The following CNR2 variants were observed in gnomAD, a reference collection of about 807,000 sequenced individuals.
CNR2 encodes cannabinoid receptor 2 (macrophage).
For synonymous variants in CNR2, 172 were observed against 182.2 expected, an observed-to-expected ratio of 0.94 and a Z score of 0.45; for missense variants, 379 against 439.9, an observed-to-expected ratio of 0.86 and a Z score of 1.24.
At chr1:23,900,616 C>G (rs1203615898) in intron 1 of CNR2, among the ~76,000 whole-genome samples, 1 of 149,820 alleles carries the variant, frequency 6.7e-6, no homozygotes, top group Admixed American at 6.8e-5. Flanking sequence ...AAGCAATTCT[C>G]TTGCCTCAGC....
At chr1:23,887,858 A>T (rs1260837378) in intron 1 of CNR2, among the ~76,000 whole-genome samples, 1 of 3,764 alleles carries the variant, frequency 2.7e-4, no homozygotes, top group African/African-American at 9.5e-4. Flanking sequence ...GTTAAAGTTA[A>T]AAAAAAAAAA....
chr1:23,895,759 T>C (rs1640270814), intron 1 of CNR2, among the ~76,000 whole-genome samples: 1 of 152,060 alleles, frequency 6.6e-6, no homozygotes, highest in Admixed American at 6.6e-5. Flanking sequence ...CTCCTCGGCC[T>C]CCCAAAGTGC....
chr1:23,885,610 C>T (rs5026902), intron 1 of CNR2, among the ~76,000 whole-genome samples: 110,441 of 151,890 alleles, frequency 0.73, 40,919 homozygotes, highest in Middle Eastern at 0.79. Flanking sequence ...CCGGGCGCGG[C>T]GGCTCACACC....
Position 23,901,629 on chromosome 1 carries a change from C to A in CNR2, c.-46+11617G>T. ...CTGAGGTTGCTGCCGTCCAGAACAG[C>A]ACTGGCCATGTAGAAGGTGTCTTGT... is the stretch of plus-strand genomic sequence containing the variant. On this transcript the variant is annotated intron_variant, in intron 1 of 1. Transcript: ENST00000374472. 4 of 1,574,578 alleles carry A rather than the reference C, an allele frequency of 2.5e-6. No homozygotes were observed. In the South Asian group the frequency reaches 3.3e-5, roughly 13 times the overall value.
At position 23,874,719 on chromosome 1, in the gene CNR2, G is replaced by C; in HGVS notation, c.899C>G (p.Ala300Gly). 6.2e-7 allele frequency: 1 copy of C among 1,614,158 alleles called. No individual in the cohort carries two copies. The highest frequency in any genetic ancestry group is 8.5e-7 in the Non-Finnish European group (1 of 1,180,014). Residue 300 changes from alanine (A) to glycine (G), a missense_variant, in exon 2 of 2, where the codon GCT becomes GGT. Coordinates refer to ENST00000374472, the MANE Select transcript of CNR2 (RefSeq NM_001841.3). ...INSMVNPVIYALRSGEIRSSA... is the reference protein window; with the variant it reads ...INSMVNPVIYGLRSGEIRSSA... ...GGAGCGGATCTCTCCACTCCGTAGA[G>C]CATAGATGACAGGGTTGACCATGGA...
chr1:23,874,644 C>T lies in CNR2; in HGVS notation c.974G>A (p.Gly325Glu), dbSNP rs781339227. ...CGGGGCTTCTTCTTTTGCCTCTGAC[C>T]CAAGGCCCCTCACACACTTCTTCCA... ...AHWKKCVRGL[G>E]SEAKEEAPRS... Residue 325 changes from glycine (G) to glutamate (E), a missense_variant, in exon 2 of 2, where the codon GGG (glycine) becomes GAG (glutamate). Transcript: ENST00000374472. The T allele has an allele frequency of 2.5e-6, 4 of 1,613,986 alleles. No individual in the cohort carries two copies. The highest frequency in any genetic ancestry group is 3.4e-6 in the Non-Finnish European group (4 of 1,180,038).
At chr1:23,879,507 G>A (rs1460489312) in intron 1 of CNR2, among the ~76,000 whole-genome samples, 3 of 152,096 alleles carry the variant, frequency 2.0e-5, no homozygotes, top group Admixed American at 1.3e-4. Context: ...CATTTACCTG[G>A]GAGGCTGAGG....
chr1:23,902,361 A>G, intron 1 of CNR2: 1 of 1,583,168 alleles, frequency 6.3e-7, no homozygotes, highest in Non-Finnish European at 8.6e-7. Context: ...GCTCTGGGAC[A>G]GCAGGACGCA....
chr1:23,877,357 C>T lies in CNR2; in HGVS notation c.-45-1695G>A, dbSNP rs9424393. 6.8e-3 allele frequency among the ~76,000 whole-genome samples: 1,033 copies of T among 152,068 alleles called. 14 individuals carry two copies. The highest frequency in any genetic ancestry group is 0.024 in the African/African-American group (982 of 41,480). On this transcript the variant is annotated intron_variant, in intron 1 of 1. Transcript: ENST00000374472. ...TGATCTAGAACGTAGATCTGGTGGCCGGGCACGGTGGCTCACGCCTGTAAT... is the reference window on the plus strand; with the variant it reads ...TGATCTAGAACGTAGATCTGGTGGCTGGGCACGGTGGCTCACGCCTGTAAT...
chr1:23,909,100 C>G (rs1416303318), intron 1 of CNR2, among the ~76,000 whole-genome samples: 1 of 152,090 alleles, frequency 6.6e-6, no homozygotes, highest in Non-Finnish European at 1.5e-5. Context: ...TCACCCACAT[C>G]CTCCCCGACT....
chr1:23,892,884 T>C (rs6424130), intron 1 of CNR2, among the ~76,000 whole-genome samples: 124,200 of 151,932 alleles, frequency 0.82, 50,866 homozygotes, highest in Admixed American at 0.84. Flanking sequence ...GGAGTAGTGG[T>C]GGGTGCCTGT....
intron 1 of CNR2, among the ~76,000 whole-genome samples, chr1:23,881,985 A>G (rs28404091): frequency 0.73 from 109,395 of 150,556 alleles, 40,481 homozygotes; most frequent in Middle Eastern, 0.79. Flanking sequence ...GCAGTGGAGC[A>G]GTCTTGGCTC....
At chr1:23,882,720 A>T (rs902636273) in intron 1 of CNR2, among the ~76,000 whole-genome samples, 1 of 151,424 alleles carries the variant, frequency 6.6e-6, no homozygotes, top group East Asian at 1.9e-4. Context: ...CTTGGGAGGC[A>T]GAGGCAGGAG....
chr1:23,890,632 C>T (rs1159611147), intron 1 of CNR2, among the ~76,000 whole-genome samples: 1 of 151,834 alleles, frequency 6.6e-6, no homozygotes, highest in Non-Finnish European at 1.5e-5. Flanking sequence ...GTAATCCCAG[C>T]TACTCGGGAG....
Position 23,874,313 on chromosome 1 carries a change from C to G in CNR2, c.*222G>C. ...CCCAGGCCTTTTGTGTCTCGCCTAC[C>G]TGGCTACTCCTCGTGGCCCTACCTA... is the stretch of plus-strand genomic sequence containing the variant. On this transcript the variant is annotated 3_prime_UTR_variant, in exon 2 of 2. Coordinates refer to ENST00000374472, the MANE Select transcript of CNR2 (RefSeq NM_001841.3). The G allele has an allele frequency of 3.8e-6, 2 of 531,864 alleles. No individual in the cohort carries two copies. The highest frequency in any genetic ancestry group is 2.4e-5 in the South Asian group (1 of 41,690). The allele number at this position is 531,864 out of a possible 1,614,324, so 32.9% of individuals were successfully genotyped here. A position where few individuals can be genotyped will look rare whatever the true frequency, so the allele number is the denominator to read the frequency against.
At chr1:23,902,100 G>A in intron 1 of CNR2, 1 of 1,492,672 alleles carries the variant, frequency 6.7e-7, no homozygotes, top group Non-Finnish European at 9.3e-7. Context: ...TCAGATAGAG[G>A]GCTCGCCCCA....
At chr1:23,913,182 A>C (rs1401691203) in intron 1 of CNR2, 64 bp downstream of exon 1, 6 of 173,830 alleles carry the variant, frequency 3.5e-5, no homozygotes, top group Admixed American at 3.1e-4. Context: ...AACAAACAAA[A>C]AAGAATACAG....
chr1:23,907,386 G>A (rs1469752814), intron 1 of CNR2, among the ~76,000 whole-genome samples: 1 of 143,626 alleles, frequency 7.0e-6, no homozygotes, highest in African/African-American at 2.6e-5. Context: ...CTCCAGCCTG[G>A]TGACAGAGGG....
intron 1 of CNR2, among the ~76,000 whole-genome samples, chr1:23,878,917 G>T (rs2502989): frequency 6.6e-6 from 1 of 151,904 alleles, no homozygotes; most frequent in Non-Finnish European, 1.5e-5. Context: ...TCAAGAATGA[G>T]GTCTAAAAAA....
Sources: allele counts gnomAD v4.1 joint callset (sites outside exome capture counted in the v4.1 genomes callset), GRCh38; gene constraint gnomAD v4.1.1; transcripts MANE v1.5; gene names NCBI Gene and HGNC (gene_info 2026-07-23, HGNC 2026-07-21).